The following PUDP variants were observed in gnomAD, a reference collection of about 807,000 sequenced individuals.
The protein encoded by PUDP is pseudouridine-5'-phosphatase.
A neutral mutation model predicts 9.4 loss-of-function variants in PUDP; 8 were observed. The ratio of observed to expected loss-of-function variants is 0.85; its 90% CI spans 0.50 to 1.53. PUDP has a LOEUF of 1.53. PUDP is among the 40% of genes most tolerant of loss of function. PUDP has a pLI of 0.00. For missense variants in PUDP, 188 were observed against 189.7 expected, an observed-to-expected ratio of 0.99 and a Z score of 0.05; for synonymous variants, 99 against 80.7, an observed-to-expected ratio of 1.23 and a Z score of -1.22.
intron 3 of PUDP, among the ~76,000 whole-genome samples, chrX:6,948,120 T>C (rs1179676906): frequency 8.9e-6 from 1 of 112,408 alleles, no homozygotes; most frequent in Admixed American, 9.5e-5. Flanking sequence ...AAGTTTTAGA[T>C]AGAGTGAGGC....
chrX:6,770,722 C>G (rs895716904), intron 3 of PUDP, among the ~76,000 whole-genome samples: 23 of 111,766 alleles, frequency 2.1e-4, no homozygotes, highest in African/African-American at 6.2e-4. Context: ...CCAATTCATC[C>G]ACATGGTGCC....
chrX:7,087,125 G>A (rs1272735104), intron 2 of PUDP, among the ~76,000 whole-genome samples: 1 of 111,975 alleles, frequency 8.9e-6, no homozygotes, highest in African/African-American at 3.2e-5. Context: ...TAAAACGTGG[G>A]AATAGGACCT....
intron 3 of PUDP, among the ~76,000 whole-genome samples, chrX:7,055,216 T>G (rs1001455057): frequency 9.0e-6 from 1 of 111,259 alleles, no homozygotes; most frequent in East Asian, 2.8e-4. Flanking sequence ...CTGAAGCACC[T>G]ATTAAAAATG....
chrX:6,967,451 A>G (rs1170435364), intron 3 of PUDP, among the ~76,000 whole-genome samples: 2 of 111,852 alleles, frequency 1.8e-5, no homozygotes, highest in East Asian at 5.6e-4. Context: ...CAGCTCTGCC[A>G]TCCAGGTCTG....
chrX:6,991,972 G>A (rs935658590), intron 1 of PUDP, among the ~76,000 whole-genome samples: 4 of 111,375 alleles, frequency 3.6e-5, no homozygotes, highest in Non-Finnish European at 7.5e-5. Context: ...ACATCTATGC[G>A]TAAGAAAAAA....
intron 3 of PUDP, among the ~76,000 whole-genome samples, chrX:6,750,530 T>C (rs1925056536): frequency 9.0e-6 from 1 of 111,373 alleles, no homozygotes; most frequent in East Asian, 2.8e-4. Context: ...GCTCGGTGTA[T>C]GTTGCTGACT....
chrX:6,820,258 C>T (rs1415376604), intron 3 of PUDP, among the ~76,000 whole-genome samples: 2 of 110,740 alleles, frequency 1.8e-5, no homozygotes, highest in African/African-American at 6.6e-5. Flanking sequence ...GGGTCCCTCC[C>T]ACAATACATG....
intron 3 of PUDP, among the ~76,000 whole-genome samples, chrX:6,968,332 T>C (rs905159695): frequency 9.0e-6 from 1 of 111,659 alleles, no homozygotes; most frequent in African/African-American, 3.3e-5. Flanking sequence ...GATGGATCAG[T>C]GGAAGGGAAG....
chrX:6,740,817 A>G (rs757966418), intron 3 of PUDP, among the ~76,000 whole-genome samples: 1 of 111,900 alleles, frequency 8.9e-6, no homozygotes, highest in East Asian at 2.8e-4. Context: ...GAGTTCTAAT[A>G]CAATAAACTT....
chrX:6,978,437 A>G (rs1416372956), intron 1 of PUDP, among the ~76,000 whole-genome samples: 1 of 112,159 alleles, frequency 8.9e-6, no homozygotes, highest in Non-Finnish European at 1.9e-5. Flanking sequence ...ACATTTTTGG[A>G]AAAAAGTAGC....
chrX:6,935,299 C>T (rs1371951522), intron 3 of PUDP, among the ~76,000 whole-genome samples: 3 of 67,619 alleles, frequency 4.4e-5, no homozygotes, highest in Admixed American at 1.9e-4. Flanking sequence ...GACCACAGTG[C>T]AATCAAACTA....
At chrX:7,048,200 A>T (rs1017396409), downstream of PUDP, among the ~76,000 whole-genome samples, 10 of 112,555 alleles carry the variant, frequency 8.9e-5, no homozygotes, top group Admixed American at 8.5e-4. Flanking sequence ...TATCAGCAGT[A>T]TAACAGGTCC....
intron 3 of PUDP, among the ~76,000 whole-genome samples, chrX:6,923,767 C>T (rs1276087203): frequency 1.8e-5 from 2 of 111,479 alleles, no homozygotes; most frequent in African/African-American, 3.3e-5. Flanking sequence ...AAAGACACAT[C>T]GTGAACCATC....
chrX:6,736,223 C>T (rs971009917), intron 3 of PUDP, among the ~76,000 whole-genome samples: 3 of 111,134 alleles, frequency 2.7e-5, no homozygotes, highest in Non-Finnish European at 5.7e-5. Flanking sequence ...AAAATTTAAA[C>T]TCGTATCCTC....
intron 1 of PUDP, among the ~76,000 whole-genome samples, chrX:6,719,294 C>T (rs183105222): frequency 9.0e-6 from 1 of 111,277 alleles, no homozygotes; most frequent in East Asian, 2.8e-4. Flanking sequence ...ATGAGGACAC[C>T]AGATTGGATT....
At chrX:7,123,377 C>T (rs1197909814) in intron 1 of PUDP, among the ~76,000 whole-genome samples, 1 of 111,558 alleles carries the variant, frequency 9.0e-6, no homozygotes, top group Admixed American at 9.6e-5. Flanking sequence ...TCATAGTCCA[C>T]AGAGCAATCA....
At chrX:7,009,421 T>C (rs1188179445) in intron 1 of PUDP, among the ~76,000 whole-genome samples, 3 of 112,127 alleles carry the variant, frequency 2.7e-5, no homozygotes, top group Non-Finnish European at 5.6e-5. Flanking sequence ...ACATGCATCA[T>C]CTACTAGTTA....
At position 6,831,748 on chromosome X, in the gene PUDP, T is replaced by C. The variant is rs962629206; in HGVS notation, c.*248-125282A>G. ...CCAGTCATTTTCAGCATTTTACCTG[T>C]AGATTTGCAATATGGGTTCAATAAC... On this transcript the variant is annotated intron_variant and NMD_transcript_variant, in intron 3 of 3. Transcript: ENST00000655425. Among the ~76,000 whole-genome samples, 4 of 112,099 alleles carry C rather than the reference T, an allele frequency of 3.6e-5. No homozygotes were observed. The East Asian group carries it at 8.3e-4, about 23-fold the overall frequency.
At chrX:7,016,576 A>T (rs372525036) in intron 1 of PUDP, among the ~76,000 whole-genome samples, 40 of 111,046 alleles carry the variant, frequency 3.6e-4, no homozygotes, top group African/African-American at 9.9e-4. Context: ...TTCACAATTC[A>T]TATAGTGTTA....
Sources: allele counts gnomAD v4.1 joint callset (sites outside exome capture counted in the v4.1 genomes callset), GRCh38; gene constraint gnomAD v4.1.1; transcripts MANE v1.5; gene names NCBI Gene and HGNC (gene_info 2026-07-23, HGNC 2026-07-21).